CACNA1G: variants seen among roughly 807,000 people sequenced by gnomAD.
The protein encoded by CACNA1G is calcium voltage-gated channel subunit alpha1 G.
CACNA1G carries 67 observed loss-of-function variants against 219.4 expected under a neutral mutation model. That is an observed-to-expected ratio of 0.31 (90% CI 0.25 to 0.37). The LOEUF (loss-of-function observed/expected upper bound fraction) is 0.37, where lower values mean the gene tolerates loss of function less well. Ranked by LOEUF, CACNA1G falls within the 10% of genes least tolerant of loss-of-function variation. The pLI, the probability that CACNA1G is intolerant of heterozygous loss-of-function variation, is 1.00. For missense variants in CACNA1G, 2,380 were observed against 3,231.4 expected, an observed-to-expected ratio of 0.74 and a Z score of 6.39; for synonymous variants, 1,296 against 1,345.3, an observed-to-expected ratio of 0.96 and a Z score of 0.80.
rs750349965 is a variant in CACNA1G, at chr17:50,626,583, G to A, written c.6966G>A (p.Arg2322=). ...TIDPPESQGP[R]TPPSPGICLR... ...ACCCCCCCGAGAGCCAAGGTCCTCGGACCCCGCCCAGCCCTGGTATCTGCC... is the reference window on the plus strand; with the variant it reads ...ACCCCCCCGAGAGCCAAGGTCCTCGAACCCCGCCCAGCCCTGGTATCTGCC... The change falls in exon 38 of 38, where the codon CGG becomes CGA. Residue 2322 remains arginine, a synonymous_variant. Coordinates refer to ENST00000359106, the MANE Select transcript of CACNA1G (RefSeq NM_018896.5). The surrounding 1 kb of genome is among the most constrained non-coding windows in gnomAD (Gnocchi z 4.3). The A allele has an allele frequency of 6.2e-7, 1 of 1,608,616 alleles. No homozygotes were observed. The highest frequency in any genetic ancestry group is 2.2e-5 in the East Asian group (1 of 44,694).
intron 13 of CACNA1G, among the ~76,000 whole-genome samples, chr17:50,593,636 C>A (rs1377058851): frequency 1.3e-5 from 2 of 152,354 alleles, no homozygotes; most frequent in South Asian, 4.1e-4. Context: ...CCTGGGACTG[C>A]CCCAGTGTGA....
chr17:50,626,005 C>T lies in CACNA1G; in HGVS notation c.6400-12C>T, dbSNP rs767193318. 7.5e-6 allele frequency: 12 copies of T among 1,590,944 alleles called. No homozygotes were observed. The highest frequency in any genetic ancestry group is 9.4e-6 in the Non-Finnish European group (11 of 1,164,784). ...GAGACTGCTGGGCTGAGCCCTCCCCCACCCCATATAGGCAGCAATAAGGAC... is the reference window on the plus strand; with the variant it reads ...GAGACTGCTGGGCTGAGCCCTCCCCTACCCCATATAGGCAGCAATAAGGAC... On this transcript the variant is annotated splice_polypyrimidine_tract_variant and intron_variant, in intron 37 of 37. Transcript: ENST00000359106. The surrounding 1 kb of genome is among the most constrained non-coding windows in gnomAD (Gnocchi z 4.3).
At position 50,626,503 on chromosome 17, in the gene CACNA1G, G is replaced by T. The variant is rs1474399580; in HGVS notation, c.6886G>T (p.Gly2296Trp). 7.0e-6 allele frequency: 11 copies of T among 1,580,350 alleles called. No individual in the cohort carries two copies. The highest frequency in any genetic ancestry group is 8.6e-6 in the Non-Finnish European group (10 of 1,164,868). The part of the protein sequence containing the change: ...DPSNLGGQPL[G>W]GPGSRPKKKL... ...CTCTAACCTTGGGGGCCAGCCTCTT[G>T]GGGGGCCTGGGAGCCGGCCCAAGAA... Residue 2296 changes from glycine to tryptophan, a missense_variant, in exon 38 of 38, where the codon GGG becomes TGG. Physicochemically the swap from Gly to Trp is radical, Grantham distance 184. Around this residue, in one of 17 missense-constraint regions of CACNA1G, gnomAD observed 672 missense variants for 670.5 expected, o/e 1.00. Transcript: ENST00000359106. This position sits in a 1 kb window ranked among gnomAD's most constrained non-coding sequence, Gnocchi z 4.3.
rs778531761 is a variant in CACNA1G at position 50,605,880 on chromosome 17, C to G, written c.4297-18C>G. On this transcript the variant is annotated intron_variant, in intron 22 of 37. Coordinates refer to ENST00000359106, the MANE Select transcript of CACNA1G (RefSeq NM_018896.5). ...GGTCACAGCTCACTTTTCTCTGTCT[C>G]TGGGAATGTGTGTCCAGCTCTTCAA... 2 of 1,612,928 alleles carry G rather than the reference C, an allele frequency of 1.2e-6. No homozygotes were observed. Among genetic ancestry groups the G allele is most frequent in the South Asian group, 2.2e-5 (2 of 91,056 alleles).
In CACNA1G at chr17:50,626,142, C is replaced by G; in HGVS notation, c.6525C>G (p.Thr2175=). The G allele has an allele frequency of 6.2e-7, 1 of 1,613,794 alleles. No homozygotes were observed. Among genetic ancestry groups the G allele is most frequent in the Middle Eastern group, 1.6e-4 (1 of 6,062 alleles). ...ACTCTTTCTGGGGCCAGTCAAGTAC[C>G]CAGGCACAGCAGCACTCCCGCAGCC... ...RAYSFWGQSS[T]QAQQHSRSHS... The change falls in exon 38 of 38, where the codon ACC becomes ACG. Residue 2175 remains threonine, a synonymous_variant. Coordinates refer to ENST00000359106, the MANE Select transcript of CACNA1G (RefSeq NM_018896.5). This position sits in a 1 kb window ranked among gnomAD's most constrained non-coding sequence, Gnocchi z 4.3.
intron 9 of CACNA1G, among the ~76,000 whole-genome samples, chr17:50,587,523 A>C (rs1246514031): frequency 6.6e-6 from 1 of 152,178 alleles, no homozygotes; most frequent in Non-Finnish European, 1.5e-5. Context: ...CCAGCCTCCA[A>C]TTTAGTAACT....
At chr17:50,585,166 G>A (rs968714706) in intron 9 of CACNA1G, among the ~76,000 whole-genome samples, 1 of 152,154 alleles carries the variant, frequency 6.6e-6, no homozygotes, top group Non-Finnish European at 1.5e-5. Flanking sequence ...TATTTTAAGA[G>A]ATGGAATCCT....
intron 26 of CACNA1G, among the ~76,000 whole-genome samples, chr17:50,613,856 G>T (rs2049831498): frequency 6.6e-6 from 1 of 152,028 alleles, no homozygotes; most frequent in Non-Finnish European, 1.5e-5. Context: ...TCGCGGTGTG[G>T]ATGACCCGTA....
chr17:50,587,759 C>A (rs1400804007), intron 9 of CACNA1G, among the ~76,000 whole-genome samples: 1 of 152,174 alleles, frequency 6.6e-6, no homozygotes, highest in Non-Finnish European at 1.5e-5. Flanking sequence ...GGGTTCCAGC[C>A]TTTGCTGGCA....
At position 50,595,122 on chromosome 17, in the gene CACNA1G, C is replaced by T. The variant is rs376629104; in HGVS notation, c.2979+61C>T. 3.0e-4 allele frequency: 370 copies of T among 1,250,246 alleles called. No homozygotes were observed. In the African/African-American group the frequency reaches 4.3e-3, roughly 14 times the overall value. The allele number at this position is 1,250,246 out of a possible 1,614,324, so 77.4% of individuals were successfully genotyped here. On this transcript the variant is annotated intron_variant, in intron 14 of 37. Coordinates refer to ENST00000359106, the MANE Select transcript of CACNA1G (RefSeq NM_018896.5). The stretch of plus-strand genomic sequence containing the variant: ...GCCCCATGCCCGTGCCCCTCCACTC[C>T]GCCTCCGTGTCTCTGTGCTCGTGTT...
At chr17:50,583,869 G>A (rs1378124295) in intron 9 of CACNA1G, among the ~76,000 whole-genome samples, 1 of 152,156 alleles carries the variant, frequency 6.6e-6, no homozygotes, top group Non-Finnish European at 1.5e-5. Context: ...GGGTGGAGGA[G>A]GGCCTAGAGG....
intron 26 of CACNA1G, among the ~76,000 whole-genome samples, chr17:50,612,380 G>A (rs1239186851): frequency 4.6e-5 from 7 of 152,236 alleles, no homozygotes; most frequent in South Asian, 2.1e-4. Context: ...GGTCCACCCC[G>A]GCTTCCCAGA....
intron 27 of CACNA1G, 99 bp from the exon 28 acceptor site, chr17:50,616,176 C>T (rs2050555820): frequency 1.4e-6 from 1 of 696,256 alleles, no homozygotes; most frequent in Non-Finnish European, 2.5e-6. Flanking sequence ...CTTGGAGTTC[C>T]CCTGCCTCTC....
chr17:50,616,399 G>T lies in CACNA1G; in HGVS notation c.5021+15G>T. The T allele has an allele frequency of 6.7e-7, 1 of 1,500,352 alleles. No homozygotes were observed. Among genetic ancestry groups the T allele is most frequent in the Non-Finnish European group, 9.3e-7 (1 of 1,078,476 alleles). The allele number at this position is 1,500,352 out of a possible 1,614,324, so 92.9% of individuals were successfully genotyped here. A position where few individuals can be genotyped will look rare whatever the true frequency, so the allele number is the denominator to read the frequency against. On this transcript the variant is annotated intron_variant, in intron 28 of 37. Coordinates refer to ENST00000359106, the MANE Select transcript of CACNA1G (RefSeq NM_018896.5). ...TTCCAGGACAGGTAACGGAGAAAAGGGGGGTCTTGGGGACTTGCGTAGAGA... is the reference window on the plus strand; with the variant it reads ...TTCCAGGACAGGTAACGGAGAAAAGTGGGGTCTTGGGGACTTGCGTAGAGA...
At chr17:50,604,311 G>A in intron 22 of CACNA1G, 30 bp downstream of exon 22, 2 of 1,609,202 alleles carry the variant, frequency 1.2e-6, no homozygotes, top group East Asian at 2.2e-5. Context: ...CCAGCTGTGG[G>A]TGAAAGCCTG....
chr17:50,585,235 T>A (rs1332548887), intron 9 of CACNA1G, among the ~76,000 whole-genome samples: 3 of 152,152 alleles, frequency 2.0e-5, no homozygotes, highest in Non-Finnish European at 2.9e-5. Context: ...AGCCTGGAAC[T>A]TCTGGGCTCA....
chr17:50,561,543 C>T lies in CACNA1G; in HGVS notation c.84C>T (p.Ala28=). ...SFMRLNDLSG[A]GGRPGPGSAE... The stretch of plus-strand genomic sequence containing the variant: ...TGCGGCTCAACGACCTGTCGGGGGC[C>T]GGGGGCCGGCCGGGGCCGGGGTCAG... Residue 28 remains alanine, a synonymous_variant, in exon 1 of 38, where the codon GCC becomes GCT. Coordinates refer to ENST00000359106, the MANE Select transcript of CACNA1G (RefSeq NM_018896.5). The T allele has an allele frequency of 6.5e-7, 1 of 1,538,844 alleles. No individual in the cohort carries two copies. Among genetic ancestry groups the T allele is most frequent in the Non-Finnish European group, 8.7e-7 (1 of 1,146,524 alleles).
At chr17:50,619,426 C>T (rs1292659484) in intron 33 of CACNA1G, among the ~76,000 whole-genome samples, 2 of 152,250 alleles carry the variant, frequency 1.3e-5, no homozygotes, top group South Asian at 2.1e-4. Flanking sequence ...CTCTCTCCCC[C>T]CGCCGTGGGC....
chr17:50,614,660 C>T (rs1290138234), intron 26 of CACNA1G, among the ~76,000 whole-genome samples: 1 of 152,226 alleles, frequency 6.6e-6, no homozygotes. Flanking sequence ...TGCCCAAACA[C>T]CCAGGAGCAG....
Sources: gnomAD v4.1 joint callset for allele counts (sites outside exome capture counted in the v4.1 genomes callset) on GRCh38, gnomAD v4.1.1 for gene constraint, gnomAD v4.1.1 regional missense constraint, Gnocchi (gnomAD v3.1) non-coding constraint, MANE v1.5 for transcripts, NCBI Gene and HGNC (gene_info 2026-07-23, HGNC 2026-07-21) for gene names.